DAPK2: variants seen among roughly 807,000 people sequenced by gnomAD.
DAPK2 encodes the protein death associated protein kinase 2.
A neutral mutation model predicts 44.1 loss-of-function variants in DAPK2; 35 were observed. The observed-to-expected ratio is 0.79, with a 90% CI of 0.61 to 1.05. DAPK2 has a LOEUF of 1.05. DAPK2 is among the 50% of genes least tolerant of loss of function. DAPK2 has a pLI of 0.00. For missense variants in DAPK2, 453 were observed against 483.2 expected, an observed-to-expected ratio of 0.94 and a Z score of 0.59; for synonymous variants, 174 against 182.6, an observed-to-expected ratio of 0.95 and a Z score of 0.38.
At chr15:63,941,295 C>G (rs78381539) in intron 3 of DAPK2, among the ~76,000 whole-genome samples, 3 of 152,204 alleles carry the variant, frequency 2.0e-5, no homozygotes, top group African/African-American at 7.2e-5. Flanking sequence ...AGCCCCACCC[C>G]GCTCCAGGCC....
rs745694509 is a variant in DAPK2 at position 63,939,211 on chromosome 15, A to G, written c.583+21T>C. 3.7e-6 allele frequency: 6 copies of G among 1,611,634 alleles called. No homozygotes were observed. In the South Asian group the frequency reaches 5.5e-5, roughly 15 times the overall value. On this transcript the variant is annotated intron_variant, in intron 4 of 10. Transcript: ENST00000261891. This position sits in a 1 kb window ranked among gnomAD's most constrained non-coding sequence, Gnocchi z 4.3. ...TTGATGCCAGATTCTTAGCTGAAAG[A>G]CAAACAGGCCTACAACTCACCAACA...
chr15:64,000,167 C>T lies in DAPK2; in HGVS notation c.93-16413G>A, dbSNP rs552262077. Among the ~76,000 whole-genome samples the T allele has an allele frequency of 3.2e-5, 4 of 125,976 alleles. No homozygotes were observed. In the Admixed American group the frequency reaches 3.3e-4, roughly 10 times the overall value. 82.6% of individuals were successfully genotyped at this position (125,976 alleles called of 152,430 possible). A position where few individuals can be genotyped will look rare whatever the true frequency, so the allele number is the denominator to read the frequency against. On this transcript the variant is annotated intron_variant, in intron 1 of 10. Coordinates refer to ENST00000261891, the Ensembl canonical transcript of DAPK2. ...GGGATGATACAAAGCACTTGCCTGA[C>T]TACTACTACTACTACTACTACACAC...
At chr15:63,910,342 A>G (rs1346247218) in intron 10 of DAPK2, among the ~76,000 whole-genome samples, 2 of 152,260 alleles carry the variant, frequency 1.3e-5, no homozygotes, top group African/African-American at 2.4e-5. Flanking sequence ...GCCGTGCATC[A>G]TAAGGCTGCT....
In DAPK2 at chr15:63,990,058, G is replaced by A. The variant is rs796997858; in HGVS notation, c.93-6304C>T. ...CGGCCTGCATCAAGGTAGACCACTC[G>A]CACTGCCACCCACCCTCACCCTCTG... On this transcript the variant is annotated intron_variant, in intron 1 of 10. Coordinates refer to ENST00000261891, the Ensembl canonical transcript of DAPK2. The surrounding 1 kb of genome is among the most constrained non-coding windows in gnomAD (Gnocchi z 4.3). Among the ~76,000 whole-genome samples, 47 of 152,202 alleles carry A rather than the reference G, an allele frequency of 3.1e-4. No individual in the cohort carries two copies. Among genetic ancestry groups the A allele is most frequent in the Admixed American group, 5.9e-4 (9 of 15,276 alleles).
At chr15:64,012,924 A>G (rs2079425675) in intron 1 of DAPK2, among the ~76,000 whole-genome samples, 1 of 152,256 alleles carries the variant, frequency 6.6e-6, no homozygotes, top group Admixed American at 6.5e-5. Flanking sequence ...CAATGAATAT[A>G]TTTATATAGG....
upstream of DAPK2, among the ~76,000 whole-genome samples, chr15:64,044,026 T>C (rs2080405491): frequency 6.6e-6 from 1 of 152,186 alleles, no homozygotes; most frequent in Non-Finnish European, 1.5e-5. Flanking sequence ...GAATTTGCAT[T>C]TTACCAGTTT....
intron 3 of DAPK2, among the ~76,000 whole-genome samples, chr15:63,951,954 A>G (rs2077599532): frequency 6.6e-6 from 1 of 152,192 alleles, no homozygotes; most frequent in African/African-American, 2.4e-5. Flanking sequence ...AAGTTTGTAC[A>G]CAGGGCCAGG....
intron 4 of DAPK2, among the ~76,000 whole-genome samples, chr15:63,931,026 C>CT (rs1214176536): frequency 6.6e-6 from 1 of 152,090 alleles, no homozygotes; most frequent in African/African-American, 2.4e-5. Flanking sequence ...CATTGCACCA[C>CT]TACACTCCAG....
intron 2 of DAPK2, among the ~76,000 whole-genome samples, chr15:63,982,444 T>C (rs567600384): frequency 6.6e-6 from 1 of 152,224 alleles, no homozygotes; most frequent in East Asian, 1.9e-4. Flanking sequence ...CGCCTTGGCC[T>C]CCCAAAGTGC....
chr15:64,037,917 A>T, intron 1 of DAPK2, among the ~76,000 whole-genome samples: 1 of 152,078 alleles, frequency 6.6e-6, no homozygotes, highest in East Asian at 1.9e-4. Flanking sequence ...CCCCATTAGC[A>T]CTTTAGAAGA....
At chr15:63,918,936 T>C (rs2079000457) in intron 8 of DAPK2, 1 of 152,224 alleles carries the variant, frequency 6.6e-6, no homozygotes, top group Non-Finnish European at 1.5e-5. Context: ...AAGCCTTCCT[T>C]CCTCTAGGCA....
rs772177052 is a variant in DAPK2 at position 63,923,326 on chromosome 15, T to G, written c.858+1490A>C. On this transcript the variant is annotated intron_variant, in intron 8 of 10. Coordinates refer to ENST00000261891, the Ensembl canonical transcript of DAPK2. The surrounding 1 kb of genome is among the most constrained non-coding windows in gnomAD (Gnocchi z 4.2). ...GCTCTGTCTTCCGCTGTTCAGGGGC[T>G]CTGCCTTCTCCTTTTGACTGGTGGG... The G allele has an allele frequency of 6.5e-7, 1 of 1,535,432 alleles. No homozygotes were observed. Among genetic ancestry groups the G allele is most frequent in the South Asian group, 1.2e-5 (1 of 84,046 alleles).
At chr15:63,975,813 G>T (rs902255469) in intron 2 of DAPK2, among the ~76,000 whole-genome samples, 7 of 152,096 alleles carry the variant, frequency 4.6e-5, no homozygotes, top group African/African-American at 1.7e-4. Flanking sequence ...TGGCCAAGCT[G>T]GGACTCCTGA....
exon 5 of DAPK2, chr15:63,930,410 A>G: frequency 6.2e-7 from 1 of 1,614,178 alleles, no homozygotes. Context: ...AACTTACCAC[A>G]TGTCAGCCTC....
Position 63,908,472 on chromosome 15 carries a change from G to C in DAPK2, c.*48C>G. ...GGTCCAAAAGTCTGCACAGAAGGGA[G>C]CCCCGCTGGGCCCAGACCTCCCTGG... On this transcript the variant is annotated 3_prime_UTR_variant, in exon 11 of 11. Transcript: ENST00000261891. The surrounding 1 kb of genome is among the most constrained non-coding windows in gnomAD (Gnocchi z 5.7). 7.4e-7 allele frequency: 1 copy of C among 1,350,852 alleles called. No individual in the cohort carries two copies. The highest frequency in any genetic ancestry group is 1.0e-6 in the Non-Finnish European group (1 of 987,910). 83.7% of individuals were successfully genotyped at this position (1,350,852 alleles called of 1,614,324 possible). A position where few individuals can be genotyped will look rare whatever the true frequency, so the allele number is the denominator to read the frequency against.
chr15:64,024,710 A>G (rs569121015), intron 1 of DAPK2, among the ~76,000 whole-genome samples: 206 of 152,284 alleles, frequency 1.4e-3, no homozygotes, highest in African/African-American at 4.7e-3. Flanking sequence ...TGCCCAGTCC[A>G]TCTTGTCTCT....
At chr15:63,959,973 C>G (rs2077841467) in intron 3 of DAPK2, among the ~76,000 whole-genome samples, 1 of 152,200 alleles carries the variant, frequency 6.6e-6, no homozygotes, top group African/African-American at 2.4e-5. Flanking sequence ...GGCTGTGAAT[C>G]CGTCTGGTCC....
At chr15:64,040,060 C>A in intron 1 of DAPK2, 110 bp downstream of exon 2, 2 of 809,464 alleles carry the variant, frequency 2.5e-6, no homozygotes, top group Non-Finnish European at 4.2e-6. Flanking sequence ...ATTTTTAAAG[C>A]TTCCCACTGG....
chr15:64,016,708 G>A (rs903832820), intron 1 of DAPK2, among the ~76,000 whole-genome samples: 2 of 151,904 alleles, frequency 1.3e-5, no homozygotes, highest in African/African-American at 4.8e-5. Flanking sequence ...TGGGAAGATC[G>A]CTTGAGCCCA....
Sources: gnomAD v4.1 joint callset for allele counts (sites outside exome capture counted in the v4.1 genomes callset) on GRCh38, gnomAD v4.1.1 for gene constraint, Gnocchi (gnomAD v3.1) non-coding constraint, MANE v1.5 for transcripts, NCBI Gene and HGNC (gene_info 2026-07-23, HGNC 2026-07-21) for gene names.